Variants in PRSS38 observed in about 807,000 individuals in gnomAD.
PRSS38 encodes the protein serine protease 38, also known as marapsin 2.
Under a neutral mutation model 26.8 loss-of-function variants are expected in PRSS38, and 22 were observed. The observed-to-expected ratio is 0.82, with a 90% CI of 0.59 to 1.17. The LOEUF is 1.17. PRSS38 is among the 50% of genes most tolerant of loss of function. The probability of loss-of-function intolerance (pLI) is 0.00; values close to 1 mark genes in which losing one functional copy is unlikely to be tolerated. For missense variants in PRSS38, 427 were observed against 422.7 expected, an observed-to-expected ratio of 1.01 and a Z score of -0.09; for synonymous variants, 175 against 172.1, an observed-to-expected ratio of 1.02 and a Z score of -0.13.
chr1:227,831,152 T>C (rs1665147789), intron 3 of PRSS38, among the ~76,000 whole-genome samples: 1 of 152,176 alleles, frequency 6.6e-6, no homozygotes, highest in Non-Finnish European at 1.5e-5. Flanking sequence ...CTTCTTCTAA[T>C]ATAAGCATTT....
At chr1:227,822,752 A>C (rs1015546655) in intron 3 of PRSS38, among the ~76,000 whole-genome samples, 1 of 152,150 alleles carries the variant, frequency 6.6e-6, no homozygotes, top group Non-Finnish European at 1.5e-5. Context: ...GTGCCAAGGC[A>C]CTTTTTCAAT....
chr1:227,827,657 G>T (rs1665095107), intron 3 of PRSS38, among the ~76,000 whole-genome samples: 1 of 109,188 alleles, frequency 9.2e-6, no homozygotes, highest in Non-Finnish European at 2.2e-5. Flanking sequence ...TGAATTCATT[G>T]ATTTTTTGAA....
chr1:227,835,429 C>T (rs1195926068), intron 3 of PRSS38, among the ~76,000 whole-genome samples: 1 of 151,998 alleles, frequency 6.6e-6, no homozygotes, highest in South Asian at 2.1e-4. Flanking sequence ...ATAGAATTAC[C>T]CTATGGCCCA....
intron 3 of PRSS38, among the ~76,000 whole-genome samples, chr1:227,820,089 CAA>C (rs61564441): frequency 0.13 from 5,301 of 42,076 alleles, 32 homozygotes; most frequent in South Asian, 0.21. Context: ...AACTCCATCT[CAA>C]AAAAAAAAAA....
At chr1:227,823,003 T>C (rs913096290) in intron 3 of PRSS38, among the ~76,000 whole-genome samples, 2 of 152,242 alleles carry the variant, frequency 1.3e-5, no homozygotes, top group African/African-American at 2.4e-5. Context: ...ATATATTGCA[T>C]AGGGGTGAAG....
At position 227,816,171 on chromosome 1, in the gene PRSS38, T is replaced by G. The variant is rs1572078375; in HGVS notation, c.230T>G (p.Val77Gly). The G allele has an allele frequency of 6.2e-7, 1 of 1,613,574 alleles. No homozygotes were observed. The highest frequency in any genetic ancestry group is 8.5e-7 in the Non-Finnish European group (1 of 1,179,924). The change falls in exon 2 of 5, where the codon GTG (valine) becomes GGG (glycine). Residue 77 changes from valine (V) to glycine (G), a missense_variant. By Grantham distance (109) the Val-to-Gly change is moderately radical. Transcript: ENST00000366757. The surrounding 1 kb of genome is among the most constrained non-coding windows in gnomAD (Gnocchi z 5.1). ...AGGAAGTGGCCGTGGCAGGTCAGCGTGCACTACGCAGGCCTCCACGTCTGC... is the reference window on the plus strand; with the variant it reads ...AGGAAGTGGCCGTGGCAGGTCAGCGGGCACTACGCAGGCCTCCACGTCTGC...
At chr1:227,819,561 G>A (rs1664971532) in intron 3 of PRSS38, among the ~76,000 whole-genome samples, 1 of 152,132 alleles carries the variant, frequency 6.6e-6, no homozygotes, top group Non-Finnish European at 1.5e-5. Context: ...ACCATGTTGA[G>A]TAATGTTGAC....
Position 227,845,956 on chromosome 1 carries a change from C to T in PRSS38, c.729C>T (p.Gly243=), listed in dbSNP as rs776964607. ...AAAAACTCCCTCTTCCTTTCTAGGG[C>T]GACTCCGGGGGCCCACTTGTCTGTG... Residue 243 remains glycine (G), a splice_region_variant and synonymous_variant, in exon 5 of 5, where the codon GGC becomes GGT. Coordinates refer to ENST00000366757, the Ensembl canonical transcript of PRSS38. 84 of 1,613,886 alleles carry T rather than the reference C, an allele frequency of 5.2e-5. No homozygotes were observed. The East Asian group carries it at 1.4e-3, about 27-fold the overall frequency.
exon 5 of PRSS38, chr1:227,846,264 T>A: frequency 6.3e-7 from 1 of 1,586,914 alleles, no homozygotes; most frequent in Non-Finnish European, 8.5e-7. Context: ...CCAGCCCAGC[T>A]GCCTCCAGAC....
chr1:227,843,877 G>A (rs770449634), intron 3 of PRSS38, among the ~76,000 whole-genome samples: 14 of 151,724 alleles, frequency 9.2e-5, no homozygotes, highest in East Asian at 1.9e-4. Context: ...AAAGTTAGCC[G>A]GGTGTGGTGG....
intron 3 of PRSS38, among the ~76,000 whole-genome samples, chr1:227,842,522 G>A (rs900200058): frequency 4.0e-5 from 6 of 151,866 alleles, no homozygotes; most frequent in South Asian, 2.1e-4. Flanking sequence ...TGACAATAAC[G>A]TATCTGCTTT....
chr1:227,829,942 T>C (rs1036571948), intron 3 of PRSS38, among the ~76,000 whole-genome samples: 1 of 152,228 alleles, frequency 6.6e-6, no homozygotes, highest in Non-Finnish European at 1.5e-5. Flanking sequence ...GTGGGGTTTT[T>C]TTGTAGATAT....
At chr1:227,832,084 T>A (rs1221843955) in intron 3 of PRSS38, among the ~76,000 whole-genome samples, 2 of 152,218 alleles carry the variant, frequency 1.3e-5, no homozygotes, top group Non-Finnish European at 2.9e-5. Context: ...TGTTTTAAAG[T>A]CTGTTTTGTC....
At chr1:227,834,699 G>A (rs1217516946) in intron 3 of PRSS38, among the ~76,000 whole-genome samples, 15 of 151,442 alleles carry the variant, frequency 9.9e-5, no homozygotes, top group African/African-American at 3.4e-4. Flanking sequence ...GCGTGGTGGC[G>A]AGTGCCTGTA....
intron 3 of PRSS38, among the ~76,000 whole-genome samples, chr1:227,844,767 G>T (rs1387553483): frequency 6.7e-6 from 1 of 148,372 alleles, no homozygotes; most frequent in Non-Finnish European, 1.5e-5. Context: ...TCATTTGGTG[G>T]GGATCCTCCC....
At chr1:227,815,693 G>C in exon 1 of PRSS38, 2 of 1,555,230 alleles carry the variant, frequency 1.3e-6, no homozygotes, top group African/African-American at 1.4e-5. Flanking sequence ...CTAGTCACCC[G>C]CTGGGGGCGC....
chr1:227,829,412 T>C (rs1277116784), intron 3 of PRSS38, among the ~76,000 whole-genome samples: 2 of 152,222 alleles, frequency 1.3e-5, no homozygotes, highest in African/African-American at 4.8e-5. Context: ...ATATGCTTAT[T>C]GGTCATTTGT....
At chr1:227,835,314 C>A (rs902510742) in intron 3 of PRSS38, among the ~76,000 whole-genome samples, 1 of 152,208 alleles carries the variant, frequency 6.6e-6, no homozygotes, top group Non-Finnish European at 1.5e-5. Context: ...CATCTTTAAT[C>A]CCGGCACTTC....
chr1:227,816,630 TC>T lies in PRSS38; in HGVS notation c.311+382del, dbSNP rs1270182382. ...CTGGTCCCCTAAGTGCACGACCAGG[TC>T]CCCACGAGTGAGGCTGGTCCTCAAG... On this transcript the variant is annotated intron_variant, in intron 2 of 4. Coordinates refer to ENST00000366757, the Ensembl canonical transcript of PRSS38. The surrounding 1 kb of genome is among the most constrained non-coding windows in gnomAD (Gnocchi z 5.1). 6.6e-6 allele frequency among the ~76,000 whole-genome samples: 1 copy of T among 151,400 alleles called. No individual in the cohort carries two copies. Among genetic ancestry groups the T allele is most frequent in the African/African-American group, 2.4e-5 (1 of 41,064 alleles).
Sources: gnomAD v4.1 joint callset for allele counts (sites outside exome capture counted in the v4.1 genomes callset) on GRCh38, gnomAD v4.1.1 for gene constraint, Gnocchi (gnomAD v3.1) non-coding constraint, MANE v1.5 for transcripts, NCBI Gene and HGNC (gene_info 2026-07-23, HGNC 2026-07-21) for gene names.